The following PAPOLA variants were observed in gnomAD, a reference collection of about 807,000 sequenced individuals.
PAPOLA encodes the protein polynucleotide adenylyltransferase alpha.
PAPOLA carries 15 observed loss-of-function variants against 100.6 expected under a neutral mutation model. The ratio of observed to expected loss-of-function variants is 0.15; its 90% confidence interval spans 0.10 to 0.23. The LOEUF is 0.23. PAPOLA is among the 10% of genes least tolerant of loss of function. The probability of loss-of-function intolerance (pLI) is 1.00; values close to 1 mark genes in which losing one functional copy is unlikely to be tolerated. For missense variants in PAPOLA, 533 were observed against 884.2 expected (o/e 0.60, Z 5.04); for synonymous variants, 293 against 300.0 (o/e 0.98, Z 0.24).
intron 1 of PAPOLA, among the ~76,000 whole-genome samples, chr14:96,505,400 C>G (rs964925234): frequency 2.0e-5 from 3 of 152,098 alleles, no homozygotes; most frequent in African/African-American, 4.8e-5. Flanking sequence ...TATTTCTGCC[C>G]TACTCTGTGT....
intron 16 of PAPOLA, among the ~76,000 whole-genome samples, chr14:96,548,787 GT>G (rs998553146): frequency 6.6e-6 from 1 of 152,162 alleles, no homozygotes; most frequent in Non-Finnish European, 1.5e-5. Context: ...AAAATGGCTG[GT>G]TGTCTGGGAT....
Position 96,555,921 on chromosome 14 carries a change from A to G in PAPOLA, c.1739A>G (p.Gln580Arg), listed in dbSNP as rs532618724. The G allele has an allele frequency of 6.2e-7, 1 of 1,608,824 alleles. No individual in the cohort carries two copies. Residue 580 changes from glutamine to arginine, a missense_variant, in exon 18 of 22, where the codon CAA (glutamine) becomes CGA (arginine). By Grantham distance (43) the Gln-to-Arg change is conservative (BLOSUM62 1). This residue lies in a region of PAPOLA where 242 missense variants were observed against 281.0 expected (regional missense o/e 0.86). Transcript: ENST00000216277. ...CAGGCTACTGAAGTTTCTGTGCCAC[A>G]AGTAAATTCCAGTGAAAGCTCAGGG... ...NIQATEVSVPQVNSSESSGGT... is the reference protein window; with the variant it reads ...NIQATEVSVPRVNSSESSGGT...
intron 15 of PAPOLA, among the ~76,000 whole-genome samples, chr14:96,545,480 A>G (rs368151205): frequency 2.6e-5 from 4 of 152,096 alleles, no homozygotes; most frequent in South Asian, 2.1e-4. Flanking sequence ...GCAAATAAAA[A>G]GTGATCTGAT....
Position 96,562,878 on chromosome 14 carries a change from T to C in PAPOLA, c.2127T>C (p.Ser709=), listed in dbSNP as rs779039760. Reference sequence around the variant, plus strand: ...CAGAAACTATTCAGACAGCGGCTTCTCTGTTGGCCTCTCAGGTACTAAGTG... The same window carrying C: ...CAGAAACTATTCAGACAGCGGCTTCCCTGTTGGCCTCTCAGGTACTAAGTG... ...TQSETIQTAA[S]LLASQKTSST... is the part of the protein sequence containing the mutation. The change falls in exon 21 of 22, where the codon TCT becomes TCC. Residue 709 remains serine, a synonymous_variant. Coordinates refer to ENST00000216277, the MANE Select transcript of PAPOLA (RefSeq NM_032632.5). The C allele has an allele frequency of 1.2e-6, 2 of 1,609,986 alleles. No individual in the cohort carries two copies. The highest frequency in any genetic ancestry group is 2.2e-5 in the South Asian group (2 of 90,980).
chr14:96,518,967 G>C (rs1488917074), intron 1 of PAPOLA, among the ~76,000 whole-genome samples: 4 of 152,106 alleles, frequency 2.6e-5, no homozygotes, highest in Admixed American at 2.0e-4. Context: ...TGAGGCAGGA[G>C]AATCGGTGGA....
At chr14:96,534,339 A>C in intron 9 of PAPOLA, 152 bp from the exon 10 acceptor site, 1 of 1,388,496 alleles carries the variant, frequency 7.2e-7, no homozygotes, top group Non-Finnish European at 9.3e-7. Context: ...GATTTTGAGT[A>C]GTCTAATGTC....
chr14:96,515,649 AAT>A (rs1897399519), intron 1 of PAPOLA, among the ~76,000 whole-genome samples: 1 of 152,324 alleles, frequency 6.6e-6, no homozygotes, highest in Admixed American at 6.5e-5. Context: ...CCTGAAGGTA[AAT>A]ATTAATTATG....
At chr14:96,506,801 A>G (rs1896746267) in intron 1 of PAPOLA, among the ~76,000 whole-genome samples, 1 of 152,248 alleles carries the variant, frequency 6.6e-6, no homozygotes, top group African/African-American at 2.4e-5. Flanking sequence ...TGTGCATTCA[A>G]GGGTACATTC....
intron 19 of PAPOLA, among the ~76,000 whole-genome samples, chr14:96,558,318 C>T (rs1901533053): frequency 6.6e-6 from 1 of 152,184 alleles, no homozygotes; most frequent in Non-Finnish European, 1.5e-5. Flanking sequence ...ATTACACATT[C>T]AGACTACTGA....
At chr14:96,562,468 C>G (rs1035759655) in intron 20 of PAPOLA, 2 of 151,370 alleles carry the variant, frequency 1.3e-5, no homozygotes, top group African/African-American at 5.0e-5. Flanking sequence ...AAGAACTGTC[C>G]TTGGGTTTAT....
At chr14:96,510,050 T>TTTGG (rs1450063666) in intron 1 of PAPOLA, among the ~76,000 whole-genome samples, 1 of 150,790 alleles carries the variant, frequency 6.6e-6, no homozygotes, top group Non-Finnish European at 1.5e-5. Context: ...AACCTAAGGA[T>TTTGG]TTGGGAAAGA....
At position 96,554,620 on chromosome 14, in the gene PAPOLA, G is replaced by GAC. The variant is rs534916865; in HGVS notation, c.1665-1213_1665-1212dup. On this transcript the variant is annotated intron_variant, in intron 17 of 21. Coordinates refer to ENST00000216277, the MANE Select transcript of PAPOLA (RefSeq NM_032632.5). ...AGAGAGAGAGAGAGAAAGAGAGACAGACACACACACACACAGACACAGATA... is the reference window on the plus strand; with the variant it reads ...AGAGAGAGAGAGAGAAAGAGAGACAGACACACACACACACACAGACACAGATA... 7.6e-3 allele frequency among the ~76,000 whole-genome samples: 1,156 copies of GAC among 151,854 alleles called. 12 individuals are homozygous for GAC. Among genetic ancestry groups the GAC allele is most frequent in the African/African-American group, 0.026 (1,069 of 41,454 alleles).
chr14:96,555,988 T>C (rs772260448), intron 18 of PAPOLA, 41 bp downstream of exon 18: 3 of 1,373,458 alleles, frequency 2.2e-6, no homozygotes, highest in Admixed American at 1.7e-5. Flanking sequence ...ATTCTTACAT[T>C]ATATTTGGTT....
intron 19 of PAPOLA, 93 bp from the exon 20 acceptor site, chr14:96,560,556 T>G: frequency 1.3e-6 from 1 of 785,844 alleles, no homozygotes; most frequent in Admixed American, 2.3e-5. Context: ...GTTTAATTAT[T>G]TTATAGTTTT....
At chr14:96,546,387 A>AT (rs950057777) in intron 15 of PAPOLA, among the ~76,000 whole-genome samples, 3 of 151,994 alleles carry the variant, frequency 2.0e-5, no homozygotes, top group African/African-American at 7.2e-5. Context: ...TCCAGATGAT[A>AT]TTTTTAAGCC....
chr14:96,552,766 C>T, intron 17 of PAPOLA, 144 bp downstream of exon 17: 1 of 715,554 alleles, frequency 1.4e-6, no homozygotes, highest in Non-Finnish European at 2.2e-6. Flanking sequence ...ATTTAATTCC[C>T]AGGTTTGGGG....
In PAPOLA at chr14:96,562,829, A is replaced by C. The variant is rs367850070; in HGVS notation, c.2078A>C (p.Asp693Ala). ...CTCTTTGTCTCACAGGAACAACTTG[A>C]TACAGAGACAAGTACAACTCAATCA... The part of the protein sequence containing the change: ...HDKTEAKEQL[D>A]TETSTTQSET... Residue 693 changes from aspartate to alanine, a missense_variant, in exon 21 of 22, where the codon GAT becomes GCT. By Grantham distance (126) the Asp-to-Ala change is moderately radical. This residue lies in a region of PAPOLA where 242 missense variants were observed against 281.0 expected (regional missense o/e 0.86). Transcript: ENST00000216277. 88 of 1,608,074 alleles carry C rather than the reference A, an allele frequency of 5.5e-5. No homozygotes were observed. Among genetic ancestry groups the C allele is most frequent in the Admixed American group, 4.9e-4 (29 of 59,788 alleles).
At chr14:96,545,843 G>T (rs976978524) in intron 15 of PAPOLA, among the ~76,000 whole-genome samples, 1 of 151,996 alleles carries the variant, frequency 6.6e-6, no homozygotes, top group Admixed American at 6.6e-5. Context: ...TTTTCCTGAA[G>T]TAAAAATTCT....
At chr14:96,550,557 A>G (rs1007010596) in intron 16 of PAPOLA, among the ~76,000 whole-genome samples, 1 of 152,228 alleles carries the variant, frequency 6.6e-6, no homozygotes, top group South Asian at 2.1e-4. Flanking sequence ...CATTTTATTT[A>G]TACACAGACT....
Sources: gnomAD v4.1 joint callset for allele counts (sites outside exome capture counted in the v4.1 genomes callset) on GRCh38, gnomAD v4.1.1 for gene constraint, gnomAD v4.1.1 regional missense constraint, MANE v1.5 for transcripts, NCBI Gene and HGNC (gene_info 2026-07-23, HGNC 2026-07-21) for gene names.